Variants in CDH23 observed in about 807,000 individuals in gnomAD.
The protein encoded by CDH23 is cadherin-23.
A neutral mutation model predicts 317.1 loss-of-function variants in CDH23; 189 were observed. The observed-to-expected ratio is 0.60, with a 90% CI of 0.53 to 0.67. CDH23 has a LOEUF of 0.67. Ranked by LOEUF, CDH23 falls within the 30% of genes least tolerant of loss-of-function variation. The pLI is 0.00. For synonymous variants in CDH23, 1,839 were observed against 1,876.8 expected, an observed-to-expected ratio of 0.98 and a Z score of 0.52; for missense variants, 4,401 against 4,592.4, an observed-to-expected ratio of 0.96 and a Z score of 1.20.
intron 2 of CDH23, among the ~76,000 whole-genome samples, chr10:71,440,529 G>A (rs1026088573): frequency 5.3e-5 from 8 of 152,206 alleles, no homozygotes; most frequent in African/African-American, 1.9e-4. Context: ...TTTAAACTAG[G>A]TGAGCAGGAA....
chr10:71,687,825 C>T (rs1442618960), intron 19 of CDH23, 106 bp downstream of exon 19: 1 of 1,036,902 alleles, frequency 9.6e-7, no homozygotes, highest in South Asian at 1.3e-5. Flanking sequence ...TGTGGGAGGT[C>T]CATGGCCTTC....
At chr10:71,412,667 C>T (rs1260074469) in intron 1 of CDH23, among the ~76,000 whole-genome samples, 1 of 152,162 alleles carries the variant, frequency 6.6e-6, no homozygotes, top group African/African-American at 2.4e-5. Flanking sequence ...TACCACTGCA[C>T]CCAGCTAATT....
intron 44 of CDH23, among the ~76,000 whole-genome samples, chr10:71,786,196 G>A (rs1054846679): frequency 2.0e-5 from 3 of 152,336 alleles, no homozygotes; most frequent in East Asian, 3.9e-4. Flanking sequence ...CCCCTCAGAA[G>A]CCAAAGAAAT....
intron 3 of CDH23, among the ~76,000 whole-genome samples, chr10:71,481,492 T>C (rs1228309125): frequency 1.3e-5 from 2 of 152,112 alleles, no homozygotes; most frequent in Non-Finnish European, 2.9e-5. Context: ...TGGCGCCTCT[T>C]CTCAGGGTGC....
chr10:71,468,696 C>T lies in CDH23; in HGVS notation c.145+22301C>T, dbSNP rs560918849. ...TGGCACCTCAGCTTTTGGGAACTCA[C>T]GATTCCTATACCCTCCCTTTGTTTA... On this transcript the variant is annotated intron_variant, in intron 3 of 69. Coordinates refer to ENST00000224721, the MANE Select transcript of CDH23 (RefSeq NM_022124.6). Among the ~76,000 whole-genome samples the T allele has an allele frequency of 2.2e-4, 34 of 152,328 alleles. 1 individual carries two copies. Among genetic ancestry groups the T allele is most frequent in the Admixed American group, 1.2e-3 (18 of 15,308 alleles).
rs1429045691 is a variant in CDH23 at position 71,771,769 on chromosome 10, T to C, written c.4846-5911T>C. ...AAGGCCCCTGGCCATATAAGCAATA[T>C]AGGGGAAGGCGTCCTGAGCTCCTCT... On this transcript the variant is annotated intron_variant, in intron 38 of 69. Transcript: ENST00000224721. 2.6e-5 allele frequency among the ~76,000 whole-genome samples: 4 copies of C among 152,140 alleles called. No individual in the cohort carries two copies. In the South Asian group the frequency reaches 8.3e-4, roughly 31 times the overall value.
intron 9 of CDH23, among the ~76,000 whole-genome samples, chr10:71,578,971 G>A (rs1405613438): frequency 6.6e-6 from 1 of 152,192 alleles, no homozygotes; most frequent in Non-Finnish European, 1.5e-5. Context: ...GGAGGATGGA[G>A]TCTACTGTGC....
chr10:71,482,882 C>T (rs927029229), intron 3 of CDH23, among the ~76,000 whole-genome samples: 2 of 152,110 alleles, frequency 1.3e-5, no homozygotes, highest in African/African-American at 4.8e-5. Context: ...AGGGAGCCAT[C>T]CTGAAGTGTT....
chr10:71,703,728 G>A (rs1036956141), intron 24 of CDH23, among the ~76,000 whole-genome samples: 4 of 152,210 alleles, frequency 2.6e-5, no homozygotes, highest in African/African-American at 9.7e-5. Context: ...GGTGAATGGT[G>A]TTCTTTGGCA....
chr10:71,471,597 G>T (rs1434491577), intron 3 of CDH23, among the ~76,000 whole-genome samples: 1 of 152,004 alleles, frequency 6.6e-6, no homozygotes, highest in Non-Finnish European at 1.5e-5. Flanking sequence ...GGACCCAGCT[G>T]AGCCCTGGAA....
intron 1 of CDH23, among the ~76,000 whole-genome samples, chr10:71,416,692 G>T (rs1007748372): frequency 6.6e-6 from 1 of 151,982 alleles, no homozygotes; most frequent in African/African-American, 2.4e-5. Context: ...TAGAGACAGG[G>T]TCTCACTCTG....
intron 14 of CDH23, among the ~76,000 whole-genome samples, chr10:71,649,825 T>A (rs1262693888): frequency 6.6e-6 from 1 of 152,214 alleles, no homozygotes; most frequent in Non-Finnish European, 1.5e-5. Flanking sequence ...GCCAACTGTA[T>A]CTCTAACCTG....
chr10:71,545,683 G>C (rs770729245), intron 6 of CDH23, among the ~76,000 whole-genome samples: 16 of 152,274 alleles, frequency 1.1e-4, no homozygotes, highest in Non-Finnish European at 1.9e-4. Flanking sequence ...TTCATCTAGT[G>C]GGGGAGACAA....
At chr10:71,743,010 C>T (rs776155064) in intron 38 of CDH23, among the ~76,000 whole-genome samples, 4 of 152,106 alleles carry the variant, frequency 2.6e-5, no homozygotes, top group Non-Finnish European at 5.9e-5. Flanking sequence ...AAGGCTAGCC[C>T]GTGCCTGTTC....
intron 22 of CDH23, among the ~76,000 whole-genome samples, chr10:71,700,163 G>A (rs894870177): frequency 6.6e-6 from 1 of 152,196 alleles, no homozygotes; most frequent in Non-Finnish European, 1.5e-5. Context: ...GAGGCGGGAG[G>A]ATCACTTGAG....
intron 3 of CDH23, among the ~76,000 whole-genome samples, chr10:71,450,413 A>G (rs1012167344): frequency 2.0e-5 from 3 of 151,860 alleles, no homozygotes; most frequent in South Asian, 2.1e-4. Flanking sequence ...TTACAGGCAC[A>G]CGCCACCACT....
At chr10:71,607,212 C>T (rs1056532983) in intron 9 of CDH23, among the ~76,000 whole-genome samples, 5 of 152,230 alleles carry the variant, frequency 3.3e-5, no homozygotes, top group African/African-American at 1.2e-4. Context: ...CAGCCTGCCC[C>T]AGGGGCGGGG....
intron 8 of CDH23, among the ~76,000 whole-genome samples, chr10:71,576,189 C>T (rs1858185290): frequency 6.6e-6 from 1 of 152,228 alleles, no homozygotes. Flanking sequence ...CGTGTCTCCC[C>T]CTGAGGATCA....
rs115993333 is a variant in CDH23, at chr10:71,515,764, C to T, written c.429+4552C>T. 6.6e-3 allele frequency among the ~76,000 whole-genome samples: 1,007 copies of T among 152,344 alleles called. 11 individuals carry two copies. The highest frequency in any genetic ancestry group is 0.019 in the African/African-American group (785 of 41,574). ...ATGTAGCTAGGAAAAGTCCTTAGCACAGCCTGTGGCTTGTAGTGTATTCAG... is the reference window on the plus strand; with the variant it reads ...ATGTAGCTAGGAAAAGTCCTTAGCATAGCCTGTGGCTTGTAGTGTATTCAG... On this transcript the variant is annotated intron_variant, in intron 6 of 69. Coordinates refer to ENST00000224721, the MANE Select transcript of CDH23 (RefSeq NM_022124.6).
Sources: gnomAD v4.1 joint callset for allele counts (sites outside exome capture counted in the v4.1 genomes callset) on GRCh38, gnomAD v4.1.1 for gene constraint, MANE v1.5 for transcripts, NCBI Gene and HGNC (gene_info 2026-07-23, HGNC 2026-07-21) for gene names.